Variants in DIS3 observed in about 807,000 individuals in gnomAD.
The protein encoded by DIS3 is DIS3 exosome endoribonuclease and 3'-5' exoribonuclease.
DIS3 carries 103 observed loss-of-function variants against 113.0 expected under a neutral mutation model. That is an observed-to-expected ratio of 0.91 (90% CI 0.78 to 1.07). The LOEUF (loss-of-function observed/expected upper bound fraction) is 1.07, where lower values mean the gene tolerates loss of function less well. DIS3 is among the 50% of genes least tolerant of loss of function. The probability of loss-of-function intolerance (pLI) is 0.00; values close to 1 mark genes in which losing one functional copy is unlikely to be tolerated. For missense variants in DIS3, 1,121 were observed against 1,167.1 expected, an observed-to-expected ratio of 0.96 and a Z score of 0.58; for synonymous variants, 402 against 394.3, an observed-to-expected ratio of 1.02 and a Z score of -0.23.
At chr13:72,769,018 T>G in intron 13 of DIS3, 106 bp from the exon 14 acceptor site, 1 of 638,900 alleles carries the variant, frequency 1.6e-6, no homozygotes, top group Non-Finnish European at 2.6e-6. Flanking sequence ...TCAGAAAACC[T>G]AAAATCAGTA....
At chr13:72,771,706 A>G (rs765938803) in intron 11 of DIS3, 89 bp downstream of exon 11, 60 of 1,277,096 alleles carry the variant, frequency 4.7e-5, no homozygotes, top group Non-Finnish European at 6.4e-5. Context: ...AAGCCACATT[A>G]TTCCATGTAT....
In DIS3 at chr13:72,762,070, G is replaced by A. The variant is rs1298795641; in HGVS notation, c.2195C>T (p.Thr732Ile). 6.2e-7 allele frequency: 1 copy of A among 1,614,002 alleles called. No individual in the cohort carries two copies. Among genetic ancestry groups the A allele is most frequent in the East Asian group, 2.2e-5 (1 of 44,876 alleles). ...AESLDQAESP[T>I]FPYLNTLLRI... ...CAACAGAGTGTTTAGATATGGAAAA[G>A]TAGGAGATTCGGCCTGATCCAAAGA... The change falls in exon 17 of 21, where the codon ACT (threonine) becomes ATT (isoleucine). Residue 732 changes from threonine to isoleucine, a missense_variant. This residue lies in a region of DIS3 where 861 missense variants were observed against 915.5 expected (regional missense o/e 0.94). Coordinates refer to ENST00000377767, the MANE Select transcript of DIS3 (RefSeq NM_014953.5).
rs397851597 is a variant in DIS3, at chr13:72,780,325, CAAAAAAA to C, written c.386+514_386+520del. Among the ~76,000 whole-genome samples the C allele has an allele frequency of 5.8e-4, 32 of 55,382 alleles. No individual in the cohort carries two copies. The South Asian group carries it at 0.023, about 40-fold the overall frequency. 36.3% of individuals were successfully genotyped at this position (55,382 alleles called of 152,430 possible). On this transcript the variant is annotated intron_variant, in intron 2 of 20. Transcript: ENST00000377767. ...TGGGTGACAGAGTGAGACTCCATCTCAAAAAAAAAAAAAAAAAAAAAAAAAGAATTCT... is the reference window on the plus strand; with the variant it reads ...TGGGTGACAGAGTGAGACTCCATCTCAAAAAAAAAAAAAAAAAAGAATTCT...
rs547587557 is a variant in DIS3, at chr13:72,775,921, T to G, written c.822+4A>C. 4.8e-5 allele frequency: 76 copies of G among 1,597,670 alleles called. No homozygotes were observed. Among genetic ancestry groups the G allele is most frequent in the Non-Finnish European group, 6.2e-5 (73 of 1,174,470 alleles). ...GTGTATAAGGAATTTATTTATATAC[T>G]TGCCTCTTTATTTTCTTCATTGTCG... On this transcript the variant is annotated splice_donor_region_variant and intron_variant, in intron 5 of 20. Transcript: ENST00000377767.
chr13:72,777,608 C>T, intron 3 of DIS3, 115 bp from the exon 4 acceptor site: 1 of 851,036 alleles, frequency 1.2e-6, no homozygotes. Flanking sequence ...TTGAGACACA[C>T]TGAGAGTCTC....
At chr13:72,776,853 A>C (rs1366266060) in intron 4 of DIS3, among the ~76,000 whole-genome samples, 1 of 152,168 alleles carries the variant, frequency 6.6e-6, no homozygotes, top group Non-Finnish European at 1.5e-5. Flanking sequence ...ACACACTGAC[A>C]TGAGAGTGGT....
chr13:72,771,896 C>G lies in DIS3; in HGVS notation c.1504G>C (p.Val502Leu), dbSNP rs752549514. The G allele has an allele frequency of 1.2e-6, 2 of 1,611,782 alleles. No homozygotes were observed. The highest frequency in any genetic ancestry group is 2.7e-5 in the African/African-American group (2 of 74,720). ...CTCACATCAGCAATATGAACACCAA[C>G]CTTAAAAAGATAAAAATAAAAGGAT... ...CRELENGNLE[V>L]GVHIADVSHF... Residue 502 changes from valine (V) to leucine (L), a missense_variant and splice_region_variant, in exon 11 of 21, where the codon GTT (valine) becomes CTT (leucine). Physicochemically the swap from Val to Leu is conservative, Grantham distance 32. Around this residue, in one of 3 missense-constraint regions of DIS3, gnomAD observed 861 missense variants for 915.5 expected, o/e 0.94. Transcript: ENST00000377767.
intron 12 of DIS3, 46 bp downstream of exon 12, chr13:72,771,035 G>A: frequency 6.2e-7 from 1 of 1,608,332 alleles, no homozygotes; most frequent in Non-Finnish European, 8.5e-7. Flanking sequence ...TCAGGTTAAA[G>A]TAGTAAATAC....
At chr13:72,773,232 G>A (rs925024015) in intron 8 of DIS3, among the ~76,000 whole-genome samples, 7 of 152,138 alleles carry the variant, frequency 4.6e-5, no homozygotes, top group African/African-American at 9.7e-5. Context: ...CAGCATTTTG[G>A]GAGGCTGAGG....
chr13:72,759,865 C>T lies in DIS3; in HGVS notation c.2807G>A (p.Ser936Asn), dbSNP rs2033582840. The T allele has an allele frequency of 6.2e-7, 1 of 1,611,604 alleles. No individual in the cohort carries two copies. The change falls in exon 21 of 21, where the codon AGC becomes AAC. Residue 936 changes from serine (S) to asparagine (N), a missense_variant. This residue lies in a region of DIS3 where 861 missense variants were observed against 915.5 expected (regional missense o/e 0.94). Transcript: ENST00000377767. ...CATGTTTGAAGTATCAGTAGGAATG[C>T]TTATTCCTGGTATCTAAAGTAATGC... is the stretch of plus-strand genomic sequence containing the variant. ...SLVEPQIPGI[S>N]IPTDTSNMDL... is the part of the protein sequence containing the mutation.
At chr13:72,774,991 T>C (rs1215360867) in intron 6 of DIS3, among the ~76,000 whole-genome samples, 1 of 152,160 alleles carries the variant, frequency 6.6e-6, no homozygotes, top group African/African-American at 2.4e-5. Context: ...TAACTCATAC[T>C]AACAGTCTGT....
rs1013902295 is a variant in DIS3, at chr13:72,756,119, G to A, written c.*3676C>T. The A allele has an allele frequency of 1.8e-5, 7 of 395,382 alleles. No homozygotes were observed. Among genetic ancestry groups the A allele is most frequent in the Non-Finnish European group, 3.1e-5 (7 of 224,740 alleles). 24.5% of individuals were successfully genotyped at this position (395,382 alleles called of 1,614,324 possible). A position where few individuals can be genotyped will look rare whatever the true frequency, so the allele number is the denominator to read the frequency against. On this transcript the variant is annotated 3_prime_UTR_variant, in exon 21 of 21. Coordinates refer to ENST00000377767, the MANE Select transcript of DIS3 (RefSeq NM_014953.5). ...TAACAGTTTGGAAATACTATCTTTG[G>A]AGAATGTATTTTTGTATTTATAAAT...
Position 72,775,302 on chromosome 13 carries a change from T to C in DIS3, c.896A>G (p.Lys299Arg), listed in dbSNP as rs750569264. The C allele has an allele frequency of 4.3e-6, 7 of 1,613,848 alleles. No homozygotes were observed. The highest frequency in any genetic ancestry group is 1.3e-5 in the African/African-American group (1 of 75,052). The change falls in exon 6 of 21, where the codon AAG (lysine) becomes AGG (arginine). Residue 299 changes from lysine (K) to arginine (R), a missense_variant. Physicochemically the swap from Lys to Arg is conservative, Grantham distance 26. Coordinates refer to ENST00000377767, the MANE Select transcript of DIS3 (RefSeq NM_014953.5). ...AGAAGATGGTGCTACCCACTGACTCTTGGGGAGAAGCTCCACAGCCACAAT... is the reference window on the plus strand; with the variant it reads ...AGAAGATGGTGCTACCCACTGACTCCTGGGGAGAAGCTCCACAGCCACAAT... ...EDIVAVELLP[K>R]SQWVAPSSVV...
In DIS3 at chr13:72,781,629, G is replaced by A. The variant is rs1216717811; in HGVS notation, c.204C>T (p.Pro68=). ...SVCPQPHYLL[P]DTNVLLHQID... is the part of the protein sequence containing the mutation. ...CCTGGTGCAGTAACACATTAGTGTC[G>A]GGCAGCAAGTAGTGCGGTTGCGGGC... The change falls in exon 1 of 21, where the codon CCC becomes CCT. Residue 68 remains proline, a synonymous_variant. Transcript: ENST00000377767. The A allele has an allele frequency of 8.5e-6, 13 of 1,537,250 alleles. No homozygotes were observed. The highest frequency in any genetic ancestry group is 4.9e-5 in the East Asian group (2 of 40,776).
intron 5 of DIS3, 44 bp from the exon 6 acceptor site, chr13:72,775,419 G>A: frequency 6.5e-7 from 1 of 1,537,920 alleles, no homozygotes; most frequent in Non-Finnish European, 8.7e-7. Context: ...TATTTTTAAT[G>A]GCAATATAAT....
At chr13:72,777,341 A>G (rs1411059296) in intron 4 of DIS3, 79 bp downstream of exon 4, 1 of 1,407,966 alleles carries the variant, frequency 7.1e-7, no homozygotes, top group Non-Finnish European at 9.8e-7. Context: ...CCAATTTTTA[A>G]ATTTGGTAAC....
Position 72,770,930 on chromosome 13 carries a change from A to T in DIS3, c.1729T>A (p.Phe577Ile). The stretch of plus-strand genomic sequence containing the variant: ...TTTGAATTAATAACACTTTTGGTAA[A>T]CTTCGTTTTTAAGATTTCAGCATTG... The part of the protein sequence containing the change: ...NHNAEILKTK[F>I]TKSVINSKAS... The change falls in exon 13 of 21, where the codon TTT becomes ATT. Residue 577 changes from phenylalanine to isoleucine, a missense_variant. Transcript: ENST00000377767. The T allele has an allele frequency of 6.2e-7, 1 of 1,606,918 alleles. No individual in the cohort carries two copies. The highest frequency in any genetic ancestry group is 8.5e-7 in the Non-Finnish European group (1 of 1,176,254).
rs758098466 is a variant in DIS3 at position 72,777,502 on chromosome 13, A to G, written c.581-9T>C. 1.2e-6 allele frequency: 2 copies of G among 1,613,316 alleles called. No individual in the cohort carries two copies. The highest frequency in any genetic ancestry group is 1.7e-6 in the Non-Finnish European group (2 of 1,179,404). On this transcript the variant is annotated splice_polypyrimidine_tract_variant and intron_variant, in intron 3 of 20. Transcript: ENST00000377767. ...CTTTACATATTCTTCACCTGAAAAAATAAGTTTATGTTGTTTTTGATAAGT... is the reference window on the plus strand; with the variant it reads ...CTTTACATATTCTTCACCTGAAAAAGTAAGTTTATGTTGTTTTTGATAAGT...
rs2034075872 is a variant in DIS3 at position 72,778,498 on chromosome 13, T to C, written c.387-118A>G. ...GAAAAAGTCAATGGTATATCTTTTC[T>C]CTTGAATGTATTCAGATGTACACCT... On this transcript the variant is annotated intron_variant, in intron 2 of 20. Coordinates refer to ENST00000377767, the MANE Select transcript of DIS3 (RefSeq NM_014953.5). 3 of 699,870 alleles carry C rather than the reference T, an allele frequency of 4.3e-6. No individual in the cohort carries two copies. The East Asian group carries it at 8.1e-5, about 19-fold the overall frequency. The allele number at this position is 699,870 out of a possible 1,614,324, so 43.4% of individuals were successfully genotyped here. A position where few individuals can be genotyped will look rare whatever the true frequency, so the allele number is the denominator to read the frequency against.
Sources: allele counts gnomAD v4.1 joint callset (sites outside exome capture counted in the v4.1 genomes callset), GRCh38; gene constraint gnomAD v4.1.1; regional missense constraint gnomAD v4.1.1; transcripts MANE v1.5; gene names NCBI Gene and HGNC (gene_info 2026-07-23, HGNC 2026-07-21).